SLC16A2: variants seen among roughly 807,000 people sequenced by gnomAD.
SLC16A2 encodes the protein monocarboxylate transporter 8.
Under a neutral mutation model 27.2 loss-of-function variants are expected in SLC16A2, and 3 were observed. The observed-to-expected ratio is 0.11, with a 90% CI of 0.05 to 0.28. The LOEUF (loss-of-function observed/expected upper bound fraction) is 0.28. SLC16A2 is among the 10% of genes least tolerant of loss of function. SLC16A2 has a pLI of 1.00. For synonymous variants in SLC16A2, 202 were observed against 187.8 expected (o/e 1.08, Z -0.62); for missense variants, 295 against 458.5 (o/e 0.64, Z 3.26).
At chrX:74,519,268 C>T (rs1015510616) in intron 1 of SLC16A2, among the ~76,000 whole-genome samples, 1 of 107,608 alleles carries the variant, frequency 9.3e-6, no homozygotes, top group African/African-American at 3.4e-5. Flanking sequence ...AGCTCCGCCT[C>T]TTGGGTTCAA....
intron 1 of SLC16A2, among the ~76,000 whole-genome samples, chrX:74,506,941 T>TTTA (rs1569296944): frequency 1.0e-3 from 25 of 24,973 alleles, no homozygotes; most frequent in South Asian, 1.9e-3. Context: ...TTATTTATTT[T>TTTA]TTTTTTTTTG....
At chrX:74,504,002 A>G (rs1930080644) in intron 1 of SLC16A2, among the ~76,000 whole-genome samples, 1 of 112,447 alleles carries the variant, frequency 8.9e-6, no homozygotes, top group African/African-American at 3.2e-5. Context: ...GTCACATAGT[A>G]AGTGCTAAGT....
chrX:74,446,343 C>T (rs1422597807), intron 1 of SLC16A2, among the ~76,000 whole-genome samples: 1 of 111,767 alleles, frequency 8.9e-6, no homozygotes, highest in African/African-American at 3.3e-5. Flanking sequence ...CAATTCTCTG[C>T]TTTAAGGCTG....
chrX:74,473,961 G>C (rs769297959), intron 1 of SLC16A2: 1 of 325,121 alleles, frequency 3.1e-6, no homozygotes, highest in Non-Finnish European at 5.6e-6. Context: ...CACGATGGCA[G>C]AGTGAAGACA....
intron 1 of SLC16A2, among the ~76,000 whole-genome samples, chrX:74,506,147 G>A (rs1261130078): frequency 1.8e-5 from 2 of 111,373 alleles, no homozygotes; most frequent in African/African-American, 3.3e-5. Flanking sequence ...CTGACCCATG[G>A]GCTCAGGGTT....
intron 1 of SLC16A2, among the ~76,000 whole-genome samples, chrX:74,439,157 A>ATT (rs1928676990): frequency 1.9e-5 from 1 of 51,817 alleles, no homozygotes; most frequent in Admixed American, 2.2e-4. Flanking sequence ...GGCTTGCTCA[A>ATT]CTCTTTCTTT....
At chrX:74,487,832 G>T (rs912347866) in intron 1 of SLC16A2, among the ~76,000 whole-genome samples, 1 of 110,860 alleles carries the variant, frequency 9.0e-6, no homozygotes, top group African/African-American at 3.3e-5. Context: ...AGTTTTATCT[G>T]TATACTTTTT....
intron 1 of SLC16A2, among the ~76,000 whole-genome samples, chrX:74,484,100 T>G (rs1381378288): frequency 9.0e-6 from 1 of 111,542 alleles, no homozygotes; most frequent in Non-Finnish European, 1.9e-5. Context: ...GGTAGGGATG[T>G]GTTGATGAAA....
At chrX:74,480,913 T>C (rs775512787) in intron 1 of SLC16A2, among the ~76,000 whole-genome samples, 2 of 112,232 alleles carry the variant, frequency 1.8e-5, no homozygotes, top group African/African-American at 3.2e-5. Flanking sequence ...TTATTCCTAG[T>C]TTGTTGAATG....
intron 1 of SLC16A2, among the ~76,000 whole-genome samples, chrX:74,515,855 C>T (rs746556075): frequency 1.8e-5 from 2 of 111,213 alleles, no homozygotes; most frequent in Non-Finnish European, 3.8e-5. Flanking sequence ...CATTCTCAAA[C>T]GAAGGAAAAC....
intron 1 of SLC16A2, among the ~76,000 whole-genome samples, chrX:74,446,640 CAAACA>C (rs1928842863): frequency 9.4e-6 from 1 of 106,136 alleles, no homozygotes; most frequent in Admixed American, 1.1e-4. Context: ...AACAAACAAA[CAAACA>C]AAACAACCAA....
intron 4 of SLC16A2, among the ~76,000 whole-genome samples, chrX:74,527,705 T>C (rs982915239): frequency 8.9e-6 from 1 of 112,582 alleles, no homozygotes; most frequent in Non-Finnish European, 1.9e-5. Context: ...AGAGAGATTT[T>C]AAATTTCTGA....
In SLC16A2 at chrX:74,493,118, C is replaced by T. The variant is rs1425359427; in HGVS notation, c.431-27872C>T. Among the ~76,000 whole-genome samples the T allele has an allele frequency of 2.0e-4, 22 of 111,925 alleles. No homozygotes were observed. The Admixed American group carries it at 2.0e-3, about 10-fold the overall frequency. ...TCCCACCTCCCAGGCCACCAGGAGG[C>T]AGTCATGTTCACAATAGTGTGGCTC... On this transcript the variant is annotated intron_variant, in intron 1 of 5. Coordinates refer to ENST00000587091, the MANE Select transcript of SLC16A2 (RefSeq NM_006517.5).
intron 1 of SLC16A2, among the ~76,000 whole-genome samples, chrX:74,453,546 C>G (rs1928984142): frequency 9.0e-6 from 1 of 111,357 alleles, no homozygotes; most frequent in African/African-American, 3.3e-5. Context: ...TTTTTTCAGA[C>G]TGTTCCTTTA....
At chrX:74,493,367 C>G (rs1320009688) in intron 1 of SLC16A2, among the ~76,000 whole-genome samples, 1 of 112,024 alleles carries the variant, frequency 8.9e-6, no homozygotes, top group Non-Finnish European at 1.9e-5. Context: ...TCCTAGAGAT[C>G]AGGAAACTGA....
intron 1 of SLC16A2, among the ~76,000 whole-genome samples, chrX:74,475,266 C>A (rs1346640981): frequency 1.8e-5 from 2 of 111,262 alleles, no homozygotes; most frequent in African/African-American, 6.6e-5. Context: ...CTTTTGGCTG[C>A]ATAAATGTCT....
At chrX:74,510,353 A>G (rs976819974) in intron 1 of SLC16A2, among the ~76,000 whole-genome samples, 1 of 111,315 alleles carries the variant, frequency 9.0e-6, no homozygotes, top group African/African-American at 3.3e-5. Context: ...GTTTCAAGTC[A>G]TAGTTTCTCC....
intron 1 of SLC16A2, among the ~76,000 whole-genome samples, chrX:74,440,522 C>CTTT (rs34468845): frequency 7.1e-4 from 50 of 69,968 alleles, no homozygotes; most frequent in Non-Finnish European, 1.0e-3. Context: ...ATATAAATTC[C>CTTT]TTTTTTTTTT....
intron 1 of SLC16A2, among the ~76,000 whole-genome samples, chrX:74,514,061 G>A (rs760336132): frequency 9.0e-6 from 1 of 111,539 alleles, no homozygotes; most frequent in South Asian, 3.8e-4. Flanking sequence ...TACTTCCAAT[G>A]CAGTACAGCT....
Sources: gnomAD v4.1 joint callset for allele counts (sites outside exome capture counted in the v4.1 genomes callset) on GRCh38, gnomAD v4.1.1 for gene constraint, MANE v1.5 for transcripts, NCBI Gene and HGNC (gene_info 2026-07-23, HGNC 2026-07-21) for gene names.